COL24A1: variants seen among roughly 807,000 people sequenced by gnomAD.
The protein encoded by COL24A1 is collagen alpha-1(XXIV) chain.
A neutral mutation model predicts 253.9 loss-of-function variants in COL24A1; 224 were observed. That is an observed-to-expected ratio of 0.88 (90% CI 0.79 to 0.99). The LOEUF is 0.99. Ranked by LOEUF, COL24A1 falls within the 50% of genes least tolerant of loss-of-function variation. The pLI, the probability that COL24A1 is intolerant of heterozygous loss-of-function variation, is 0.00. For synonymous variants in COL24A1, 685 were observed against 673.7 expected (o/e 1.02, Z -0.26); for missense variants, 2,131 against 2,068.5 (o/e 1.03, Z -0.59).
intron 23 of COL24A1, 35 bp from the exon 24 acceptor site, chr1:85,961,328 T>C (rs578119908): frequency 2.0e-6 from 3 of 1,494,300 alleles, no homozygotes; most frequent in South Asian, 2.3e-5. Context: ...CAAAAACAGT[T>C]ATTTTTCAAA....
intron 32 of COL24A1, 55 bp downstream of exon 32, chr1:85,889,505 T>G (rs531614654): frequency 6.9e-7 from 1 of 1,450,278 alleles, no homozygotes; most frequent in Non-Finnish European, 9.7e-7. Context: ...ATAATGGAAA[T>G]GTAAATGTAT....
chr1:85,908,632 C>G lies in COL24A1; in HGVS notation c.2690G>C (p.Gly897Ala). The G allele has an allele frequency of 6.9e-7, 1 of 1,449,348 alleles. No individual in the cohort carries two copies. The allele number at this position is 1,449,348 out of a possible 1,614,324, so 89.8% of individuals were successfully genotyped here. The change falls in exon 27 of 60, where the codon GGG becomes GCG. Residue 897 changes from glycine (G) to alanine (A), a missense_variant. Transcript: ENST00000370571. ...CAATGGACCGATAGGTCCTGGAACC[C>G]CAGGAGGACCTGGATATCCCTATAA... ...KGVMGYPGPP[G>A]VPGPIGPLGL...
chr1:86,043,444 A>C (rs550106528), intron 12 of COL24A1, among the ~76,000 whole-genome samples: 12 of 152,340 alleles, frequency 7.9e-5, no homozygotes, highest in Non-Finnish European at 1.3e-4. Flanking sequence ...ATACGATTCT[A>C]CTAATGATAG....
Position 85,960,581 on chromosome 1 carries a change from GC to G in COL24A1, c.2562+667del, listed in dbSNP as rs1690929489. 2.6e-5 allele frequency among the ~76,000 whole-genome samples: 4 copies of G among 152,078 alleles called. No individual in the cohort carries two copies. The South Asian group carries it at 8.3e-4, about 32-fold the overall frequency. On this transcript the variant is annotated intron_variant, in intron 24 of 59. Transcript: ENST00000370571. ...ATTAAATTATTGTATAATTTAATAA[GC>G]TTTTTAATAATGAAAAATGGCTGAG...
At chr1:85,790,098 T>C (rs996920279) in intron 47 of COL24A1, among the ~76,000 whole-genome samples, 1 of 152,172 alleles carries the variant, frequency 6.6e-6, no homozygotes, top group Admixed American at 6.5e-5. Flanking sequence ...TTCTTTTCAA[T>C]TGTTTGAAAT....
chr1:85,786,575 C>T (rs1437069827), intron 47 of COL24A1, 114 bp from the exon 48 acceptor site: 2 of 710,436 alleles, frequency 2.8e-6, no homozygotes, highest in Non-Finnish European at 4.3e-6. Flanking sequence ...AACATACTGC[C>T]CAGGAGTTAT....
intron 6 of COL24A1, among the ~76,000 whole-genome samples, chr1:86,090,615 C>T (rs1269262665): frequency 6.6e-6 from 1 of 152,074 alleles, no homozygotes; most frequent in Non-Finnish European, 1.5e-5. Flanking sequence ...TATTTGTATT[C>T]AGATTTATGT....
intron 3 of COL24A1, among the ~76,000 whole-genome samples, chr1:86,117,460 T>G (rs1255608191): frequency 1.3e-5 from 2 of 152,216 alleles, no homozygotes. Context: ...AGAAATAAAT[T>G]TCTATAGTGT....
At chr1:85,914,867 G>C (rs1203126313) in intron 24 of COL24A1, among the ~76,000 whole-genome samples, 2 of 152,122 alleles carry the variant, frequency 1.3e-5, no homozygotes, top group Non-Finnish European at 2.9e-5. Context: ...TTACATGCAG[G>C]ATAATGATAT....
chr1:86,039,593 G>A (rs1347980076), intron 12 of COL24A1, among the ~76,000 whole-genome samples: 4 of 152,058 alleles, frequency 2.6e-5, no homozygotes, highest in Admixed American at 6.6e-5. Flanking sequence ...TTAATCTGAA[G>A]TAGAAATGAA....
intron 12 of COL24A1, among the ~76,000 whole-genome samples, chr1:86,043,778 GGCCCCCCA>G (rs1699685852): frequency 6.6e-6 from 1 of 151,992 alleles, no homozygotes; most frequent in African/African-American, 2.4e-5. Flanking sequence ...CGCCCGCCTC[GGCCCCCCA>G]AAGCACTGGG....
intron 47 of COL24A1, among the ~76,000 whole-genome samples, chr1:85,803,429 CAAAA>C (rs35026268): frequency 8.7e-6 from 1 of 115,502 alleles, no homozygotes; most frequent in Non-Finnish European, 1.8e-5. Context: ...GACTCCATCT[CAAAA>C]AAAAAAAAAA....
chr1:85,857,458 CAAAAAAAA>C (rs57368737), intron 37 of COL24A1, among the ~76,000 whole-genome samples: 1 of 94,494 alleles, frequency 1.1e-5, no homozygotes, highest in Non-Finnish European at 2.1e-5. Context: ...CCCTCTTCTC[CAAAAAAAA>C]AAAAAAAGAA....
chr1:85,886,616 G>C (rs1380819768), intron 32 of COL24A1, among the ~76,000 whole-genome samples: 1 of 151,838 alleles, frequency 6.6e-6, no homozygotes, highest in Non-Finnish European at 1.5e-5. Context: ...AGTGAGCCAA[G>C]ATTGCACCAC....
intron 37 of COL24A1, among the ~76,000 whole-genome samples, chr1:85,860,176 C>G (rs758924227): frequency 4.6e-5 from 7 of 152,092 alleles, no homozygotes; most frequent in African/African-American, 1.7e-4. Flanking sequence ...GTGATAGTTA[C>G]ATGATACTAT....
intron 28 of COL24A1, among the ~76,000 whole-genome samples, chr1:85,900,726 T>C (rs915465999): frequency 4.6e-5 from 7 of 151,654 alleles, no homozygotes; most frequent in African/African-American, 1.5e-4. Flanking sequence ...CATAGACAAA[T>C]AGAACAGAAA....
rs564599831 is a variant in COL24A1, at chr1:85,908,394, T to C, written c.2724+204A>G. Among the ~76,000 whole-genome samples the C allele has an allele frequency of 2.2e-4, 33 of 151,836 alleles. 1 individual carries two copies. In the South Asian group the frequency reaches 6.0e-3, roughly 28 times the overall value. ...TTTAGTTTAGGTTGCAGAACTGAAA[T>C]TGATTGTATACCAAGTAGAGGTGAG... is the stretch of plus-strand genomic sequence containing the variant. On this transcript the variant is annotated intron_variant, in intron 27 of 59. Transcript: ENST00000370571.
intron 53 of COL24A1, among the ~76,000 whole-genome samples, chr1:85,763,407 G>A (rs1455177202): frequency 6.6e-6 from 1 of 151,572 alleles, no homozygotes; most frequent in East Asian, 1.9e-4. Flanking sequence ...GACAGAGTGA[G>A]ACTCTGTCTC....
chr1:85,868,645 G>T lies in COL24A1; in HGVS notation c.3193-19C>A. The T allele has an allele frequency of 6.2e-7, 1 of 1,601,524 alleles. No individual in the cohort carries two copies. The highest frequency in any genetic ancestry group is 8.5e-7 in the Non-Finnish European group (1 of 1,170,072). On this transcript the variant is annotated intron_variant, in intron 36 of 59. Coordinates refer to ENST00000370571, the MANE Select transcript of COL24A1 (RefSeq NM_152890.7). ...GTACTCCCTGTAATGCAATAAAAAA[G>T]TTTTCTATAAAGGAATACAGTGAAA...
Sources: allele counts gnomAD v4.1 joint callset (sites outside exome capture counted in the v4.1 genomes callset), GRCh38; gene constraint gnomAD v4.1.1; transcripts MANE v1.5; gene names NCBI Gene and HGNC (gene_info 2026-07-23, HGNC 2026-07-21).